SYTL2: variants seen among roughly 807,000 people sequenced by gnomAD.
SYTL2 encodes the protein synaptotagmin-like protein 2.
A neutral mutation model predicts 198.7 loss-of-function variants in SYTL2; 165 were observed. The observed-to-expected ratio is 0.83, with a 90% CI of 0.73 to 0.94. SYTL2 has a LOEUF of 0.94. Among genes scored for constraint, SYTL2 ranks in the 40% least tolerant of loss-of-function variants. SYTL2 has a pLI of 0.00. For missense variants in SYTL2, 2,835 were observed against 2,582.8 expected (o/e 1.10, Z -2.12); for synonymous variants, 966 against 917.7 (o/e 1.05, Z -0.95).
intron 1 of SYTL2, among the ~76,000 whole-genome samples, chr11:85,808,008 G>A (rs892231273): frequency 6.6e-6 from 1 of 152,084 alleles, no homozygotes; most frequent in Non-Finnish European, 1.5e-5. Flanking sequence ...AAAAGATTTG[G>A]AACGCTATAT....
the SYTL2 span, among the ~76,000 whole-genome samples, chr11:85,830,614 G>A: frequency 6.6e-6 from 1 of 152,100 alleles, no homozygotes; most frequent in African/African-American, 2.4e-5. Flanking sequence ...ACAAAGGGGT[G>A]GGAGAAAGGG....
At chr11:85,842,492 A>G in the SYTL2 span, among the ~76,000 whole-genome samples, 1 of 152,172 alleles carries the variant, frequency 6.6e-6, no homozygotes, top group Non-Finnish European at 1.5e-5. Flanking sequence ...CCAGTTACCC[A>G]TCTCCCAATA....
chr11:85,720,740 T>C, intron 9 of SYTL2, 118 bp downstream of exon 9: 1 of 652,188 alleles, frequency 1.5e-6, no homozygotes, highest in Non-Finnish European at 2.7e-6. Context: ...TTTTCATCTG[T>C]TAACTGCCCC....
intron 12 of SYTL2, among the ~76,000 whole-genome samples, chr11:85,711,735 A>AT (rs1197971222): frequency 6.6e-6 from 1 of 151,918 alleles, no homozygotes; most frequent in Non-Finnish European, 1.5e-5. Context: ...TGCTAGTCTC[A>AT]TCTGTTTCAA....
At chr11:85,772,801 G>C (rs1462629236) in intron 1 of SYTL2, among the ~76,000 whole-genome samples, 1 of 152,168 alleles carries the variant, frequency 6.6e-6, no homozygotes, top group Non-Finnish European at 1.5e-5. Context: ...TGGCCTTTTG[G>C]AGAAAAACAG....
At chr11:85,851,356 G>T in the SYTL2 span, among the ~76,000 whole-genome samples, 1 of 152,158 alleles carries the variant, frequency 6.6e-6, no homozygotes, top group Non-Finnish European at 1.5e-5. Context: ...GAACTGGTTC[G>T]CAAAGGCAGT....
At chr11:85,842,320 G>T in the SYTL2 span, among the ~76,000 whole-genome samples, 2 of 152,216 alleles carry the variant, frequency 1.3e-5, no homozygotes, top group African/African-American at 4.8e-5. Flanking sequence ...GTAGGGGCAT[G>T]GTTAGCCCCT....
Position 85,717,465 on chromosome 11 carries a change from A to G in SYTL2, c.5530+18T>C. The stretch of plus-strand genomic sequence containing the variant: ...AGTGGAATGTTTAGTCATTTGTGAG[A>G]AAGATCCTGCTACTCACTTCTTGGT... On this transcript the variant is annotated intron_variant, in intron 11 of 19. Transcript: ENST00000359152. 2 of 1,608,392 alleles carry G rather than the reference A, an allele frequency of 1.2e-6. No individual in the cohort carries two copies. Among genetic ancestry groups the G allele is most frequent in the Middle Eastern group, 3.3e-4 (2 of 6,046 alleles).
intron 15 of SYTL2, among the ~76,000 whole-genome samples, chr11:85,706,505 A>T (rs1415418490): frequency 6.6e-6 from 1 of 152,232 alleles, no homozygotes; most frequent in Non-Finnish European, 1.5e-5. Context: ...TCATAAGAGG[A>T]GGTATTTAAG....
chr11:85,744,971 A>G (rs999353293), intron 4 of SYTL2, among the ~76,000 whole-genome samples: 1 of 151,760 alleles, frequency 6.6e-6, no homozygotes, highest in African/African-American at 2.4e-5. Context: ...AGATAACAAC[A>G]TGTAGGAAAA....
At chr11:85,702,191 ATTT>A (rs35728321) in intron 16 of SYTL2, among the ~76,000 whole-genome samples, 2 of 141,994 alleles carry the variant, frequency 1.4e-5, no homozygotes, top group Non-Finnish European at 1.5e-5. Flanking sequence ...TAGTGGGTCT[ATTT>A]TTTTTTTTTT....
At chr11:85,764,593 T>A (rs1382960835) in intron 1 of SYTL2, among the ~76,000 whole-genome samples, 1 of 152,238 alleles carries the variant, frequency 6.6e-6, no homozygotes, top group Non-Finnish European at 1.5e-5. Flanking sequence ...CCTAGACTGT[T>A]CTCTTTTCAC....
the SYTL2 span, among the ~76,000 whole-genome samples, chr11:85,847,045 TA>T: frequency 6.6e-6 from 1 of 152,154 alleles, no homozygotes; most frequent in Non-Finnish European, 1.5e-5. Context: ...GAAACCATTT[TA>T]AAAAAATTAA....
At position 85,758,133 on chromosome 11, in the gene SYTL2, GCAAACAC is replaced by G. The variant is rs2091967017; in HGVS notation, c.-389-26_-389-20del. 5.9e-6 allele frequency: 1 copy of G among 169,298 alleles called. No individual in the cohort carries two copies. The allele number at this position is 169,298 out of a possible 1,614,324, so 10.5% of individuals were successfully genotyped here. A position where few individuals can be genotyped will look rare whatever the true frequency, so the allele number is the denominator to read the frequency against. On this transcript the variant is annotated intron_variant, in intron 1 of 19. Coordinates refer to ENST00000359152, the MANE Select transcript of SYTL2 (RefSeq NM_206927.4). ...CACCTACCTGGGGAATCATGAGACAGCAAACACCAGACAGTGAGAGGCAGTTCCTATA... is the reference window on the plus strand; with the variant it reads ...CACCTACCTGGGGAATCATGAGACAGCAGACAGTGAGAGGCAGTTCCTATA...
chr11:85,848,807 T>G, the SYTL2 span, among the ~76,000 whole-genome samples: 4 of 152,340 alleles, frequency 2.6e-5, no homozygotes, highest in East Asian at 3.9e-4. Context: ...TGGCTCCAGC[T>G]TACTGTCCTG....
the SYTL2 span, among the ~76,000 whole-genome samples, chr11:85,834,711 T>C: frequency 7.2e-5 from 11 of 152,068 alleles, no homozygotes; most frequent in African/African-American, 1.4e-4. Flanking sequence ...TAAGGCAGGA[T>C]AGATTAAGCT....
chr11:85,700,780 G>A (rs915618896), intron 16 of SYTL2, among the ~76,000 whole-genome samples, 187 bp from the exon 17 acceptor site: 2 of 152,224 alleles, frequency 1.3e-5, no homozygotes, highest in African/African-American at 4.8e-5. Context: ...AAACTAGGTT[G>A]TATATCTTGA....
chr11:85,769,095 C>CA (rs1344692767), intron 1 of SYTL2, among the ~76,000 whole-genome samples: 1 of 152,024 alleles, frequency 6.6e-6, no homozygotes, highest in South Asian at 2.1e-4. Context: ...AAGGGCTGTG[C>CA]AAAAAAGTTT....
At chr11:85,817,421 C>G in the SYTL2 span, among the ~76,000 whole-genome samples, 1 of 152,122 alleles carries the variant, frequency 6.6e-6, no homozygotes, top group Non-Finnish European at 1.5e-5. Flanking sequence ...CACACACACC[C>G]CTCATCAGTA....
Sources: allele counts gnomAD v4.1 joint callset (sites outside exome capture counted in the v4.1 genomes callset), GRCh38; gene constraint gnomAD v4.1.1; transcripts MANE v1.5; gene names NCBI Gene and HGNC (gene_info 2026-07-23, HGNC 2026-07-21).